The following KIAA1217 variants were observed in gnomAD, a reference collection of about 807,000 sequenced individuals.
The protein encoded by KIAA1217 is KIAA1217, also known as sickle tail protein homolog.
A neutral mutation model predicts 163.9 loss-of-function variants in KIAA1217; 88 were observed. The observed-to-expected ratio is 0.54, with a 90% CI of 0.45 to 0.64. KIAA1217 has a LOEUF of 0.64. KIAA1217 is among the 30% of genes least tolerant of loss of function. KIAA1217 has a pLI of 0.00. For synonymous variants in KIAA1217, 903 were observed against 923.1 expected, an observed-to-expected ratio of 0.98 and a Z score of 0.39; for missense variants, 2,372 against 2,475.0, an observed-to-expected ratio of 0.96 and a Z score of 0.88.
intron 1 of KIAA1217, among the ~76,000 whole-genome samples, chr10:23,719,726 G>C (rs1220012088): frequency 2.0e-5 from 3 of 151,988 alleles, no homozygotes; most frequent in South Asian, 2.1e-4. Context: ...AGACCGTCCT[G>C]GCCAACATGG....
chr10:23,925,506 G>T (rs1311521076), intron 1 of KIAA1217, among the ~76,000 whole-genome samples: 1 of 152,206 alleles, frequency 6.6e-6, no homozygotes, highest in African/African-American at 2.4e-5. Flanking sequence ...ACTGTCGCTG[G>T]ACTTTTCCAA....
At chr10:24,483,517 C>A (rs1038678657) in intron 6 of KIAA1217, among the ~76,000 whole-genome samples, 3 of 152,330 alleles carry the variant, frequency 2.0e-5, no homozygotes, top group African/African-American at 4.8e-5. Context: ...AGGAAATGCA[C>A]TAGAGAGACC....
At chr10:24,529,673 C>T (rs948615924) in intron 14 of KIAA1217, among the ~76,000 whole-genome samples, 2 of 152,110 alleles carry the variant, frequency 1.3e-5, no homozygotes, top group African/African-American at 4.8e-5. Context: ...ACACCTTTCC[C>T]CACCATCCAG....
At chr10:23,778,786 A>G (rs1317819340) in intron 1 of KIAA1217, among the ~76,000 whole-genome samples, 1 of 152,176 alleles carries the variant, frequency 6.6e-6, no homozygotes, top group Non-Finnish European at 1.5e-5. Flanking sequence ...TGGATTGTTC[A>G]TTGGCAATAA....
intron 5 of KIAA1217, among the ~76,000 whole-genome samples, chr10:24,447,474 A>C (rs1239839535): frequency 1.3e-5 from 2 of 152,036 alleles, no homozygotes; most frequent in African/African-American, 2.4e-5. Context: ...CCTATGAGTG[A>C]GAACATGTGG....
chr10:24,062,908 CAT>C (rs1301093367), intron 2 of KIAA1217, among the ~76,000 whole-genome samples: 1 of 134,590 alleles, frequency 7.4e-6, no homozygotes, highest in Admixed American at 6.7e-5. Flanking sequence ...AGCATTTTTT[CAT>C]GTGTTTTTTT....
chr10:23,920,150 G>T (rs972598176), intron 1 of KIAA1217, among the ~76,000 whole-genome samples: 5 of 152,078 alleles, frequency 3.3e-5, no homozygotes, highest in Non-Finnish European at 7.4e-5. Flanking sequence ...TGACATTTAG[G>T]TTTTTTTGTT....
chr10:24,532,461 G>A lies in KIAA1217; in HGVS notation c.3246+468G>A, dbSNP rs923475392. Among the ~76,000 whole-genome samples the A allele has an allele frequency of 3.9e-5, 6 of 152,172 alleles. No individual in the cohort carries two copies. In the East Asian group the frequency reaches 1.2e-3, roughly 29 times the overall value. ...TGCAGTATGGGAGGGCCTTTCATGA[G>A]GACTGTATTAGTCTGTTCTCAGGGT... is the stretch of plus-strand genomic sequence containing the variant. On this transcript the variant is annotated intron_variant, in intron 15 of 20. Coordinates refer to ENST00000376454, the MANE Select transcript of KIAA1217 (RefSeq NM_019590.5).
intron 1 of KIAA1217, among the ~76,000 whole-genome samples, chr10:23,915,356 G>C (rs919068082): frequency 7.2e-5 from 11 of 152,064 alleles, no homozygotes; most frequent in East Asian, 3.9e-4. Flanking sequence ...GGGAGATGTG[G>C]GGGGGAGGGA....
At position 23,772,618 on chromosome 10, in the gene KIAA1217, C is replaced by T. The variant is rs546961775; in HGVS notation, c.-321+77384C>T. 2.6e-5 allele frequency among the ~76,000 whole-genome samples: 4 copies of T among 152,194 alleles called. No individual in the cohort carries two copies. The East Asian group carries it at 7.7e-4, about 29-fold the overall frequency. On this transcript the variant is annotated intron_variant, in intron 1 of 18. Transcript: ENST00000376462. The stretch of plus-strand genomic sequence containing the variant: ...GAAATGTGATACTCTGGGTGGAAGG[C>T]CACACATCTCTGTATTATACGATGT...
chr10:24,407,771 G>A (rs1362529436), intron 3 of KIAA1217, among the ~76,000 whole-genome samples: 1 of 152,112 alleles, frequency 6.6e-6, no homozygotes, highest in Non-Finnish European at 1.5e-5. Flanking sequence ...GTCCTTAACT[G>A]CCATTCCTAT....
At chr10:24,209,527 T>A (rs549866191) in intron 1 of KIAA1217, among the ~76,000 whole-genome samples, 35 of 152,302 alleles carry the variant, frequency 2.3e-4, no homozygotes, top group Middle Eastern at 6.8e-3. Flanking sequence ...GCCATCAGCA[T>A]GAGCTGTATC....
At chr10:24,230,512 T>TG (rs1554765231) in intron 2 of KIAA1217, among the ~76,000 whole-genome samples, 1 of 141,480 alleles carries the variant, frequency 7.1e-6, no homozygotes, top group Non-Finnish European at 1.5e-5. Flanking sequence ...GTTTTTTTTT[T>TG]TTTTTTTTTT....
At chr10:24,448,128 C>CA (rs997060433) in intron 5 of KIAA1217, among the ~76,000 whole-genome samples, 48 of 148,774 alleles carry the variant, frequency 3.2e-4, no homozygotes, top group Middle Eastern at 3.4e-3. Context: ...GTCTCCACCT[C>CA]AAAAAAAAAG....
intron 1 of KIAA1217, among the ~76,000 whole-genome samples, chr10:24,001,846 C>G (rs903599959): frequency 5.9e-5 from 9 of 152,092 alleles, no homozygotes; most frequent in African/African-American, 2.2e-4. Context: ...GAGGAGTTTG[C>G]TATGGTTTTC....
chr10:24,535,139 C>T (rs1252878117), intron 16 of KIAA1217, among the ~76,000 whole-genome samples: 2 of 152,150 alleles, frequency 1.3e-5, no homozygotes, highest in Admixed American at 1.3e-4. Context: ...AAAACACAGG[C>T]TCTGAAATCG....
intron 1 of KIAA1217, among the ~76,000 whole-genome samples, chr10:24,216,779 A>AT (rs2068871172): frequency 6.7e-6 from 1 of 148,964 alleles, no homozygotes; most frequent in Non-Finnish European, 1.5e-5. Flanking sequence ...GTGAGCTGAG[A>AT]TCGCACCACT....
intron 2 of KIAA1217, among the ~76,000 whole-genome samples, chr10:24,036,970 G>A (rs1848419969): frequency 6.6e-6 from 1 of 152,216 alleles, no homozygotes; most frequent in East Asian, 1.9e-4. Context: ...GATCAGGCCA[G>A]TTCCAGAGGT....
Position 24,513,352 on chromosome 10 carries a change from C to A in KIAA1217, c.2095C>A (p.Pro699Thr), listed in dbSNP as rs1160650604. 2 of 1,614,014 alleles carry A rather than the reference C, an allele frequency of 1.2e-6. No individual in the cohort carries two copies. The highest frequency in any genetic ancestry group is 8.5e-7 in the Non-Finnish European group (1 of 1,180,018). Residue 699 changes from proline to threonine, a missense_variant, in exon 10 of 21, where the codon CCC (proline) becomes ACC (threonine). This residue lies in a region of KIAA1217 where 1,431 missense variants were observed against 1,470.3 expected (regional missense o/e 0.97). Coordinates refer to ENST00000376454, the MANE Select transcript of KIAA1217 (RefSeq NM_019590.5). Reference sequence around the variant, plus strand: ...GGAAACAATGAAGAGACTGGAGGATCCCGTGCAGCGACAGCGCGTCCTAGT... The same window carrying A: ...GGAAACAATGAAGAGACTGGAGGATACCGTGCAGCGACAGCGCGTCCTAGT... ...VMETMKRLED[P>T]VQRQRVLVEQ... is the part of the protein sequence containing the mutation.
Sources: allele counts gnomAD v4.1 joint callset (sites outside exome capture counted in the v4.1 genomes callset), GRCh38; gene constraint gnomAD v4.1.1; regional missense constraint gnomAD v4.1.1; transcripts MANE v1.5; gene names NCBI Gene and HGNC (gene_info 2026-07-23, HGNC 2026-07-21).